UBASH3A: variants seen among roughly 807,000 people sequenced by gnomAD.
The protein encoded by UBASH3A is ubiquitin-associated and SH3 domain-containing protein A.
In UBASH3A, 63 loss-of-function variants were observed where a neutral mutation model predicts 73.5. The ratio of observed to expected loss-of-function variants is 0.86; its 90% CI spans 0.70 to 1.06. The LOEUF (loss-of-function observed/expected upper bound fraction) is 1.06, where lower values mean the gene tolerates loss of function less well. Among genes scored for constraint, UBASH3A ranks in the 50% least tolerant of loss-of-function variants. The pLI is 0.00. For missense variants in UBASH3A, 860 were observed against 859.0 expected (o/e 1.00, Z -0.02); for synonymous variants, 363 against 351.1 (o/e 1.03, Z -0.38).
chr21:42,420,889 C>T (rs2053326078), intron 7 of UBASH3A, among the ~76,000 whole-genome samples: 1 of 152,246 alleles, frequency 6.6e-6, no homozygotes, highest in South Asian at 2.1e-4. Flanking sequence ...CTCCTTCCAG[C>T]AGCACCTAGA....
intron 5 of UBASH3A, among the ~76,000 whole-genome samples, chr21:42,415,439 A>G (rs1386729405): frequency 6.6e-6 from 1 of 152,196 alleles, no homozygotes; most frequent in Non-Finnish European, 1.5e-5. Context: ...ATTTGCCTCT[A>G]AAGGCTCACC....
intron 1 of UBASH3A, among the ~76,000 whole-genome samples, chr21:42,405,394 G>C (rs942682527): frequency 7.2e-5 from 11 of 152,190 alleles, no homozygotes; most frequent in Non-Finnish European, 1.5e-4. Flanking sequence ...GTCCACGCTG[G>C]ATTTTACTAC....
Position 42,407,193 on chromosome 21 carries a change from A to G in UBASH3A, c.167+832A>G, listed in dbSNP as rs115797354. 6.1e-3 allele frequency among the ~76,000 whole-genome samples: 933 copies of G among 152,232 alleles called. 6 individuals carry two copies. Among genetic ancestry groups the G allele is most frequent in the African/African-American group, 0.021 (885 of 41,522 alleles). ...TTCTCTAAAACCCTCTCCTACCCGG[A>G]TGTGCTGTGGGGAGTCCTTCATCCT... On this transcript the variant is annotated intron_variant, in intron 2 of 14. Coordinates refer to ENST00000319294, the MANE Select transcript of UBASH3A (RefSeq NM_018961.4).
intron 8 of UBASH3A, among the ~76,000 whole-genome samples, chr21:42,430,282 G>A (rs1753243493): frequency 6.6e-6 from 1 of 152,178 alleles, no homozygotes; most frequent in African/African-American, 2.4e-5. Context: ...ATGATCAGCT[G>A]CACTGGCCAG....
intron 9 of UBASH3A, among the ~76,000 whole-genome samples, chr21:42,433,543 T>G (rs2053574497): frequency 6.6e-6 from 1 of 152,180 alleles, no homozygotes; most frequent in African/African-American, 2.4e-5. Flanking sequence ...ACAGCTGAAG[T>G]GTCAATGACA....
intron 8 of UBASH3A, among the ~76,000 whole-genome samples, chr21:42,429,097 G>C (rs533524790): frequency 6.6e-6 from 1 of 152,196 alleles, no homozygotes; most frequent in African/African-American, 2.4e-5. Flanking sequence ...AGCAGAGGAG[G>C]CCATGCAGCC....
At chr21:42,435,114 C>A in intron 10 of UBASH3A, 160 bp downstream of exon 10, 1 of 854,100 alleles carries the variant, frequency 1.2e-6, no homozygotes, top group Non-Finnish European at 1.8e-6. Context: ...GGTTAAGCAA[C>A]TTGCCCAAGG....
chr21:42,434,307 T>G (rs1288962282), intron 9 of UBASH3A, among the ~76,000 whole-genome samples: 2 of 151,882 alleles, frequency 1.3e-5, no homozygotes, highest in Non-Finnish European at 2.9e-5. Flanking sequence ...ACGTGAACCC[T>G]GGCACCGGGC....
intron 3 of UBASH3A, among the ~76,000 whole-genome samples, chr21:42,411,033 C>T (rs1601559215): frequency 6.7e-6 from 1 of 150,068 alleles, no homozygotes; most frequent in South Asian, 2.1e-4. Flanking sequence ...GACATGGAGA[C>T]GTACACACGG....
At position 42,442,580 on chromosome 21, in the gene UBASH3A, A is replaced by G. The variant is rs147337825; in HGVS notation, c.1615A>G (p.Ile539Val). The change falls in exon 12 of 15, where the codon ATT becomes GTT. Residue 539 changes from isoleucine to valine, a missense_variant. By Grantham distance (29) the Ile-to-Val change is conservative (BLOSUM62 3). Transcript: ENST00000319294. ...LEELKEANFNIDTDYRPAFPL... is the reference protein window; with the variant it reads ...LEELKEANFNVDTDYRPAFPL... Reference sequence around the variant, plus strand: ...AGAGCTGAAAGAGGCAAATTTCAACATTGACACTGATTACAGGTATGCTGT... The same window carrying G: ...AGAGCTGAAAGAGGCAAATTTCAACGTTGACACTGATTACAGGTATGCTGT... The G allele has an allele frequency of 1.7e-4, 276 of 1,613,602 alleles. No individual in the cohort carries two copies. Among genetic ancestry groups the G allele is most frequent in the Non-Finnish European group, 2.2e-4 (263 of 1,179,956 alleles).
rs1295999259 is a variant in UBASH3A, at chr21:42,416,543, C to A, written c.769C>A (p.Pro257Thr). The A allele has an allele frequency of 1.2e-6, 2 of 1,610,654 alleles. No homozygotes were observed. The change falls in exon 6 of 15, where the codon CCC (proline) becomes ACC (threonine). Residue 257 changes from proline (P) to threonine (T), a missense_variant. Transcript: ENST00000319294. ...GCTGGAGCAGCTGGCCAGAGCCATC[C>A]CCCTGGGCCACAGCTGCCAGTGGAC... ...RTLEQLARAI[P>T]LGHSCQWTAA...
intron 11 of UBASH3A, among the ~76,000 whole-genome samples, chr21:42,437,929 T>C (rs2053657877): frequency 6.6e-6 from 1 of 152,204 alleles, no homozygotes; most frequent in Non-Finnish European, 1.5e-5. Flanking sequence ...CGGTTCCTTG[T>C]AAGTCTGAAT....
At chr21:42,426,115 A>G (rs778786067) in intron 7 of UBASH3A, among the ~76,000 whole-genome samples, 1 of 152,188 alleles carries the variant, frequency 6.6e-6, no homozygotes, top group African/African-American at 2.4e-5. Context: ...TTACAGCTCA[A>G]GTCCAAAGGT....
intron 7 of UBASH3A, among the ~76,000 whole-genome samples, chr21:42,422,705 G>A (rs1010376288): frequency 1.3e-5 from 2 of 152,082 alleles, no homozygotes; most frequent in Non-Finnish European, 2.9e-5. Flanking sequence ...ATATTGATTT[G>A]AAAAAATATG....
Position 42,404,001 on chromosome 21 carries a change from G to A in UBASH3A, c.56G>A (p.Arg19His), listed in dbSNP as rs142476334. 5.2e-6 allele frequency: 8 copies of A among 1,528,064 alleles called. No homozygotes were observed. The African/African-American group carries it at 8.3e-5, about 16-fold the overall frequency. 94.7% of individuals were successfully genotyped at this position (1,528,064 alleles called of 1,614,324 possible). Residue 19 changes from arginine to histidine, a missense_variant, in exon 1 of 15, where the codon CGC (arginine) becomes CAC (histidine). Physicochemically the swap from Arg to His is conservative, Grantham distance 29. Coordinates refer to ENST00000319294, the MANE Select transcript of UBASH3A (RefSeq NM_018961.4). ...YAKVSNKLKS[R>H]SSPSLLEPLL... ...AAGGTCTCCAACAAGCTCAAGAGCC[G>A]CAGCAGCCCCTCGCTCCTGGAGCCC...
chr21:42,416,427 T>G lies in UBASH3A; in HGVS notation c.668-15T>G, dbSNP rs1568916056. 6.4e-7 allele frequency: 1 copy of G among 1,551,190 alleles called. No homozygotes were observed. The highest frequency in any genetic ancestry group is 2.0e-5 in the Admixed American group (1 of 50,690). On this transcript the variant is annotated splice_polypyrimidine_tract_variant and intron_variant, in intron 5 of 14. Coordinates refer to ENST00000319294, the MANE Select transcript of UBASH3A (RefSeq NM_018961.4). ...ACGGTGTCCTGGCACCCTCTGTGTTTCCCTGATTTCACAGACTGCTCCGTG... is the reference window on the plus strand; with the variant it reads ...ACGGTGTCCTGGCACCCTCTGTGTTGCCCTGATTTCACAGACTGCTCCGTG...
At chr21:42,434,804 G>A (rs865908256) in intron 9 of UBASH3A, 28 bp from the exon 10 acceptor site, 2 of 1,602,290 alleles carry the variant, frequency 1.2e-6, no homozygotes, top group Admixed American at 3.4e-5. Context: ...TGATGAAACT[G>A]AACGTCTGAT....
chr21:42,430,284 A>G (rs1357366838), intron 8 of UBASH3A, among the ~76,000 whole-genome samples: 1 of 152,196 alleles, frequency 6.6e-6, no homozygotes, highest in Admixed American at 6.5e-5. Flanking sequence ...GATCAGCTGC[A>G]CTGGCCAGGT....
At chr21:42,425,030 T>A (rs1340367662) in intron 7 of UBASH3A, among the ~76,000 whole-genome samples, 1 of 152,226 alleles carries the variant, frequency 6.6e-6, no homozygotes, top group Non-Finnish European at 1.5e-5. Flanking sequence ...TGAGGGCATC[T>A]GTGGCTGTCG....
Sources: allele counts gnomAD v4.1 joint callset (sites outside exome capture counted in the v4.1 genomes callset), GRCh38; gene constraint gnomAD v4.1.1; transcripts MANE v1.5; gene names NCBI Gene and HGNC (gene_info 2026-07-23, HGNC 2026-07-21).